TUBA4B: variants seen among roughly 807,000 people sequenced by gnomAD.
The protein encoded by TUBA4B is tubulin alpha 4b.
TUBA4B carries 13 observed loss-of-function variants against 18.4 expected under a neutral mutation model. The observed-to-expected ratio is 0.71, with a 90% CI of 0.46 to 1.12. The LOEUF (loss-of-function observed/expected upper bound fraction) is 1.12. Among genes scored for constraint, TUBA4B ranks in the 50% most tolerant of loss-of-function variants. The pLI is 0.00. For missense variants in TUBA4B, 244 were observed against 250.0 expected (o/e 0.98, Z 0.16); for synonymous variants, 101 against 99.1 (o/e 1.02, Z -0.11).
intron 2 of TUBA4B, among the ~76,000 whole-genome samples, chr2:219,267,602 A>G (rs1468342811): frequency 6.9e-6 from 1 of 145,878 alleles, no homozygotes; most frequent in Non-Finnish European, 1.5e-5. Flanking sequence ...TTTGAGACGG[A>G]GTCTCATTCT....
intron 2 of TUBA4B, among the ~76,000 whole-genome samples, chr2:219,269,252 T>C (rs1951810096): frequency 6.6e-6 from 1 of 152,200 alleles, no homozygotes; most frequent in Non-Finnish European, 1.5e-5. Flanking sequence ...TTTGTACTAT[T>C]TTCCCTTGCT....
intron 1 of TUBA4B, chr2:219,253,950 C>CGGGGGGG: frequency 2.2e-6 from 1 of 458,156 alleles, no homozygotes; most frequent in African/African-American, 2.1e-5. Flanking sequence ...CCCTTATAGG[C>CGGGGGGG]GGGGGGGGGG....
At chr2:219,262,082 C>T (rs577062675) in intron 1 of TUBA4B, among the ~76,000 whole-genome samples, 17 of 152,270 alleles carry the variant, frequency 1.1e-4, no homozygotes, top group African/African-American at 4.1e-4. Context: ...GAGGCCGAGG[C>T]GGGCGGATCA....
intron 1 of TUBA4B, among the ~76,000 whole-genome samples, chr2:219,258,816 C>T (rs1951740697): frequency 6.6e-6 from 1 of 152,164 alleles, no homozygotes. Context: ...CCACAGTCCT[C>T]ATCACTCTCT....
At chr2:219,255,407 A>AT (rs1218095917) in intron 1 of TUBA4B, among the ~76,000 whole-genome samples, 1 of 151,862 alleles carries the variant, frequency 6.6e-6, no homozygotes, top group African/African-American at 2.4e-5. Context: ...TGATTTTTGT[A>AT]TTTTTAGTAG....
chr2:219,262,535 C>T (rs755764112), intron 1 of TUBA4B, among the ~76,000 whole-genome samples: 17 of 152,136 alleles, frequency 1.1e-4, no homozygotes, highest in Non-Finnish European at 2.4e-4. Context: ...GAGACAGGGT[C>T]TTACTGTGTC....
intron 1 of TUBA4B, 146 bp downstream of exon 1, chr2:219,253,565 A>G: frequency 3.9e-6 from 3 of 770,212 alleles, no homozygotes; most frequent in East Asian, 5.3e-5. Context: ...ACTCTCATAC[A>G]GAGTCGGGAC....
chr2:219,255,826 A>G (rs1417228085), intron 1 of TUBA4B, among the ~76,000 whole-genome samples: 3 of 152,188 alleles, frequency 2.0e-5, no homozygotes, highest in African/African-American at 7.2e-5. Context: ...ACAACACAAC[A>G]TAATACCATG....
intron 1 of TUBA4B, among the ~76,000 whole-genome samples, chr2:219,255,529 G>A (rs1438452874): frequency 1.3e-5 from 2 of 151,972 alleles, no homozygotes; most frequent in Admixed American, 6.6e-5. Flanking sequence ...CCCCACACCC[G>A]GCCTTATTTT....
Position 219,255,314 on chromosome 2 carries a change from C to A in TUBA4B, c.12+1895C>A, listed in dbSNP as rs537015543. Among the ~76,000 whole-genome samples, 3 of 152,360 alleles carry A rather than the reference C, an allele frequency of 2.0e-5. No homozygotes were observed. In the East Asian group the frequency reaches 5.8e-4, roughly 29 times the overall value. On this transcript the variant is annotated intron_variant, in intron 1 of 3. Transcript: ENST00000490341. ...AGTGCAATGGCACGATTTCGGCTCA[C>A]CTCAACACCTGCCTCGCGGGTTCTA...
chr2:219,253,800 C>T, intron 1 of TUBA4B: 1 of 1,536,782 alleles, frequency 6.5e-7, no homozygotes, highest in Non-Finnish European at 8.8e-7. Flanking sequence ...AGAAGTGTCC[C>T]CCAAAGGAGA....
Position 219,267,753 on chromosome 2 carries a change from C to A in TUBA4B, c.58+1187C>A, listed in dbSNP as rs138936397. On this transcript the variant is annotated intron_variant, in intron 2 of 3. Transcript: ENST00000490341. ...CTAATTTTTGTATTTTGAGTAGAGA[C>A]AAGGTTTCACTATGTTGGCCAGGAT... Among the ~76,000 whole-genome samples the A allele has an allele frequency of 2.0e-5, 3 of 152,056 alleles. No individual in the cohort carries two copies. The East Asian group carries it at 5.8e-4, about 29-fold the overall frequency.
intron 3 of TUBA4B, 146 bp from the exon 4 acceptor site, chr2:219,271,020 C>G (rs1951821409): frequency 1.7e-6 from 1 of 601,932 alleles, no homozygotes; most frequent in Admixed American, 2.9e-5. Context: ...CCTGGACCCA[C>G]TCTATGAGGA....
At chr2:219,269,906 G>A (rs1354519607) in intron 2 of TUBA4B, among the ~76,000 whole-genome samples, 3 of 152,146 alleles carry the variant, frequency 2.0e-5, no homozygotes, top group Admixed American at 1.3e-4. Flanking sequence ...CTCCATAACT[G>A]CAGAGCATGG....
chr2:219,264,723 T>G (rs1449894115), intron 1 of TUBA4B, among the ~76,000 whole-genome samples: 1 of 152,178 alleles, frequency 6.6e-6, no homozygotes, highest in African/African-American at 2.4e-5. Flanking sequence ...ATCACACTAC[T>G]CAGAATGGCG....
At chr2:219,257,846 A>G (rs1372053476) in intron 1 of TUBA4B, among the ~76,000 whole-genome samples, 1 of 151,230 alleles carries the variant, frequency 6.6e-6, no homozygotes, top group Non-Finnish European at 1.5e-5. Flanking sequence ...CACACACTAT[A>G]TATATATATT....
chr2:219,256,052 A>T (rs1009702927), intron 1 of TUBA4B, among the ~76,000 whole-genome samples: 14 of 152,224 alleles, frequency 9.2e-5, no homozygotes, highest in Admixed American at 6.5e-4. Context: ...TGGTGACTAT[A>T]GGACACATGG....
intron 1 of TUBA4B, among the ~76,000 whole-genome samples, chr2:219,259,005 G>A (rs1207421315): frequency 1.3e-5 from 2 of 151,950 alleles, no homozygotes; most frequent in African/African-American, 4.8e-5. Context: ...AAGATGGCCG[G>A]GAGCAGTGGC....
At chr2:219,261,040 TC>T (rs1951756928) in intron 1 of TUBA4B, among the ~76,000 whole-genome samples, 1 of 152,064 alleles carries the variant, frequency 6.6e-6, no homozygotes, top group African/African-American at 2.4e-5. Flanking sequence ...TCTCTCTCTC[TC>T]CTCTCCCTCT....
Sources: gnomAD v4.1 joint callset for allele counts (sites outside exome capture counted in the v4.1 genomes callset) on GRCh38, gnomAD v4.1.1 for gene constraint, MANE v1.5 for transcripts, NCBI Gene and HGNC (gene_info 2026-07-23, HGNC 2026-07-21) for gene names.